Variants in ZNF804B observed in about 807,000 individuals in gnomAD.
The protein encoded by ZNF804B is zinc finger protein 804B.
ZNF804B carries 80 observed loss-of-function variants against 101.4 expected under a neutral mutation model. The ratio of observed to expected loss-of-function variants is 0.79; its 90% CI spans 0.66 to 0.95. The LOEUF is 0.95. Among genes scored for constraint, ZNF804B ranks in the 40% least tolerant of loss-of-function variants. The pLI, the probability that ZNF804B is intolerant of heterozygous loss-of-function variation, is 0.00. For missense variants in ZNF804B, 1,673 were observed against 1,561.9 expected (o/e 1.07, Z -1.20); for synonymous variants, 622 against 558.8 (o/e 1.11, Z -1.59).
intron 2 of ZNF804B, among the ~76,000 whole-genome samples, chr7:89,313,572 C>T (rs1043116845): frequency 6.6e-6 from 1 of 152,192 alleles, no homozygotes; most frequent in Non-Finnish European, 1.5e-5. Context: ...TGATTCTTCA[C>T]TTATTTATTC....
At chr7:88,977,844 C>T (rs1272323136) in intron 1 of ZNF804B, among the ~76,000 whole-genome samples, 1 of 150,654 alleles carries the variant, frequency 6.6e-6, no homozygotes, top group African/African-American at 2.4e-5. Flanking sequence ...AAAGTTTTTT[C>T]TTTTTTTTAA....
intron 1 of ZNF804B, among the ~76,000 whole-genome samples, chr7:88,877,049 A>ATATATTTTT (rs1791962731): frequency 7.2e-5 from 1 of 13,916 alleles, no homozygotes; most frequent in Non-Finnish European, 1.1e-4. Flanking sequence ...ATATATATAT[A>ATATATTTTT]TTTTTTTTTT....
At chr7:89,142,055 A>G (rs1790726266) in intron 1 of ZNF804B, among the ~76,000 whole-genome samples, 1 of 151,810 alleles carries the variant, frequency 6.6e-6, no homozygotes, top group Admixed American at 6.6e-5. Context: ...TATTAATGGA[A>G]GAAAAACAAG....
intron 2 of ZNF804B, among the ~76,000 whole-genome samples, chr7:89,256,251 A>C (rs1461765750): frequency 1.3e-5 from 2 of 152,170 alleles, no homozygotes; most frequent in Middle Eastern, 3.2e-3. Context: ...CCACTCAAAT[A>C]AGCCATTAAA....
chr7:89,267,362 C>T (rs1789813453), intron 2 of ZNF804B, among the ~76,000 whole-genome samples: 2 of 152,236 alleles, frequency 1.3e-5, no homozygotes, highest in Non-Finnish European at 2.9e-5. Flanking sequence ...CTGGTGGTTG[C>T]AAGTGACAAA....
chr7:89,197,439 T>A (rs1788573017), intron 1 of ZNF804B, among the ~76,000 whole-genome samples: 1 of 151,944 alleles, frequency 6.6e-6, no homozygotes, highest in South Asian at 2.1e-4. Flanking sequence ...GTTGATGGCT[T>A]CCTTTTGCAA....
chr7:89,223,556 T>C (rs1444310263), intron 2 of ZNF804B, among the ~76,000 whole-genome samples: 1 of 151,716 alleles, frequency 6.6e-6, no homozygotes, highest in East Asian at 1.9e-4. Context: ...TTTAAATGAA[T>C]TCCATTGGAG....
chr7:89,276,268 C>A (rs1227335683), intron 2 of ZNF804B, among the ~76,000 whole-genome samples: 1 of 151,762 alleles, frequency 6.6e-6, no homozygotes, highest in African/African-American at 2.4e-5. Flanking sequence ...AACACCATGG[C>A]ACGTGGTTAC....
chr7:89,162,560 A>T (rs1483217284), intron 1 of ZNF804B, among the ~76,000 whole-genome samples: 1 of 151,370 alleles, frequency 6.6e-6, no homozygotes, highest in Non-Finnish European at 1.5e-5. Flanking sequence ...CTAAAGTGAA[A>T]CCACAGCTAC....
chr7:89,277,286 C>G (rs1789996971), intron 2 of ZNF804B, among the ~76,000 whole-genome samples: 1 of 149,894 alleles, frequency 6.7e-6, no homozygotes, highest in African/African-American at 2.5e-5. Context: ...ATGCTAAGAT[C>G]TACCATCAAA....
chr7:89,181,500 C>G (rs562589789), intron 1 of ZNF804B, among the ~76,000 whole-genome samples: 2 of 152,104 alleles, frequency 1.3e-5, no homozygotes, highest in African/African-American at 4.8e-5. Flanking sequence ...CAATGTCCCA[C>G]GGTCCCTGCA....
In ZNF804B at chr7:89,220,015, G is replaced by GCA. The variant is rs572549816; in HGVS notation, c.249+1720_249+1721insCA. 1.0e-3 allele frequency among the ~76,000 whole-genome samples: 142 copies of GCA among 140,962 alleles called. 41 individuals carry two copies. Among genetic ancestry groups the GCA allele is most frequent in the East Asian group, 7.6e-3 (35 of 4,596 alleles). The allele number at this position is 140,962 out of a possible 152,430, so 92.5% of individuals were successfully genotyped here. A position where few individuals can be genotyped will look rare whatever the true frequency, so the allele number is the denominator to read the frequency against. ...CATATATGTATATGCACATATATGTGTGTATACATATATATACGCACATAT... is the reference window on the plus strand; with the variant it reads ...CATATATGTATATGCACATATATGTGCATGTATACATATATATACGCACATAT... On this transcript the variant is annotated intron_variant, in intron 2 of 3. Coordinates refer to ENST00000333190, the MANE Select transcript of ZNF804B (RefSeq NM_181646.5).
intron 1 of ZNF804B, among the ~76,000 whole-genome samples, chr7:89,132,236 T>G (rs1790564186): frequency 1.3e-5 from 2 of 150,998 alleles, no homozygotes; most frequent in African/African-American, 4.9e-5. Flanking sequence ...AGTGCTACAT[T>G]ATAGAACACA....
intron 1 of ZNF804B, among the ~76,000 whole-genome samples, chr7:88,989,117 G>T (rs780055602): frequency 3.2e-4 from 49 of 151,830 alleles, no homozygotes; most frequent in Non-Finnish European, 8.8e-5. Flanking sequence ...CTGCCTCCCG[G>T]GTTCAAGGGA....
intron 1 of ZNF804B, chr7:88,794,188 C>A: frequency 3.7e-6 from 6 of 1,602,662 alleles, no homozygotes; most frequent in Non-Finnish European, 5.1e-6. Flanking sequence ...ATCCTAGAAA[C>A]GTGAAGGAGC....
chr7:89,102,717 G>A (rs1162381679), intron 1 of ZNF804B, among the ~76,000 whole-genome samples: 1 of 151,770 alleles, frequency 6.6e-6, no homozygotes, highest in Non-Finnish European at 1.5e-5. Context: ...GGTTTAGTTA[G>A]ATTTGCTTTT....
intron 1 of ZNF804B, among the ~76,000 whole-genome samples, chr7:89,171,282 GCTGCTGCTTCTT>G (rs1292858295): frequency 0.1 from 9,523 of 95,298 alleles, 798 homozygotes; most frequent in Non-Finnish European, 0.14. Context: ...AAATAATGCT[GCTGCTGCTTCTT>G]CTTCTTCTTC....
At chr7:89,145,516 G>T (rs572214724) in intron 1 of ZNF804B, among the ~76,000 whole-genome samples, 2 of 152,124 alleles carry the variant, frequency 1.3e-5, no homozygotes, top group South Asian at 2.1e-4. Flanking sequence ...GGCAAGAGCA[G>T]ACTCAAACAA....
intron 1 of ZNF804B, among the ~76,000 whole-genome samples, chr7:88,908,742 G>T (rs1792507364): frequency 6.6e-6 from 1 of 151,746 alleles, no homozygotes; most frequent in African/African-American, 2.4e-5. Context: ...TATTTTTAAA[G>T]ATTTATTCAT....
Sources: allele counts gnomAD v4.1 joint callset (sites outside exome capture counted in the v4.1 genomes callset), GRCh38; gene constraint gnomAD v4.1.1; transcripts MANE v1.5; gene names NCBI Gene and HGNC (gene_info 2026-07-23, HGNC 2026-07-21).